The following IL20RA variants were observed in gnomAD, a reference collection of about 807,000 sequenced individuals.
IL20RA encodes interleukin 20 receptor subunit alpha, also known as interleukin-20 receptor subunit alpha.
Under a neutral mutation model 36.5 loss-of-function variants are expected in IL20RA, and 29 were observed. The ratio of observed to expected loss-of-function variants is 0.79; its 90% CI spans 0.59 to 1.08. The LOEUF is 1.08. Ranked by LOEUF, IL20RA falls within the 50% of genes least tolerant of loss-of-function variation. The pLI is 0.00. For synonymous variants in IL20RA, 279 were observed against 267.1 expected (o/e 1.04, Z -0.43); for missense variants, 652 against 668.4 (o/e 0.98, Z 0.27).
intron 1 of IL20RA, among the ~76,000 whole-genome samples, chr6:137,021,491 C>G (rs948009547): frequency 1.4e-5 from 2 of 140,848 alleles, no homozygotes; most frequent in Non-Finnish European, 3.1e-5. Context: ...ATGGTGAAAC[C>G]CTGTTTCTAG....
intron 1 of IL20RA, among the ~76,000 whole-genome samples, chr6:137,026,077 C>A (rs966800748): frequency 6.6e-6 from 1 of 152,214 alleles, no homozygotes; most frequent in East Asian, 1.9e-4. Context: ...TCTGGAGACT[C>A]CCCTTTGGGA....
In IL20RA at chr6:137,006,718, TTTTC is replaced by T. The variant is rs1434383732; in HGVS notation, c.724+1877_724+1880del. ...AATAGAGCCTTATTATTCCGTTAAT[TTTTC>T]TTTCTTTTTTTTTTTTTTGAGACAG... On this transcript the variant is annotated intron_variant, in intron 5 of 6. Coordinates refer to ENST00000316649, the MANE Select transcript of IL20RA (RefSeq NM_014432.4). Among the ~76,000 whole-genome samples the T allele has an allele frequency of 2.2e-4, 32 of 145,942 alleles. No homozygotes were observed. In the East Asian group the frequency reaches 2.8e-3, roughly 13 times the overall value.
At position 137,004,709 on chromosome 6, in the gene IL20RA, A is replaced by G. The variant is rs774931056; in HGVS notation, c.776T>C (p.Val259Ala). 38 of 1,609,588 alleles carry G rather than the reference A, an allele frequency of 2.4e-5. No individual in the cohort carries two copies. Among genetic ancestry groups the G allele is most frequent in the Non-Finnish European group, 3.2e-5 (38 of 1,178,412 alleles). Residue 259 changes from valine to alanine, a missense_variant, in exon 6 of 7, where the codon GTA becomes GCA. Val to Ala is a moderately conservative substitution (Grantham distance 64). Coordinates refer to ENST00000316649, the MANE Select transcript of IL20RA (RefSeq NM_014432.4). The stretch of plus-strand genomic sequence containing the variant: ...AGAAAAAAGAAACACGGTAATAGAT[A>G]CGGGCAAAACATACCAGAAGATGAT... Reference protein sequence around the residue: ...AKIIFWYVLPVSITVFLFSVM... With the variant: ...AKIIFWYVLPASITVFLFSVM...
rs368042457 is a variant in IL20RA, at chr6:137,034,625, T to C, written c.88+10016A>G. 3.3e-5 allele frequency among the ~76,000 whole-genome samples: 5 copies of C among 152,058 alleles called. No homozygotes were observed. The East Asian group carries it at 7.7e-4, about 24-fold the overall frequency. The stretch of plus-strand genomic sequence containing the variant: ...CCCTCCCTGTGTCCATGTGTTCTCA[T>C]TGTTCAGCTCCCACTTAAGAGTGAG... On this transcript the variant is annotated intron_variant, in intron 1 of 6. Coordinates refer to ENST00000316649, the MANE Select transcript of IL20RA (RefSeq NM_014432.4).
rs551441345 is a variant in IL20RA, at chr6:137,027,028, G to A, written c.89-9925C>T. ...TCCTGAGTAGCTGGGGATTACATGCGCCCGCCACCACGCCCAGCTAATTTT... is the reference window on the plus strand; with the variant it reads ...TCCTGAGTAGCTGGGGATTACATGCACCCGCCACCACGCCCAGCTAATTTT... On this transcript the variant is annotated intron_variant, in intron 1 of 6. Coordinates refer to ENST00000316649, the MANE Select transcript of IL20RA (RefSeq NM_014432.4). 2.9e-4 allele frequency among the ~76,000 whole-genome samples: 44 copies of A among 151,944 alleles called. No individual in the cohort carries two copies. The South Asian group carries it at 4.4e-3, about 15-fold the overall frequency.
At chr6:137,002,499 T>C in intron 6 of IL20RA, 144 bp from the exon 7 acceptor site, 1 of 627,378 alleles carries the variant, frequency 1.6e-6, no homozygotes, top group Non-Finnish European at 2.7e-6. Context: ...GCTTGCAATA[T>C]ACAGAAAACC....
rs1775529828 is a variant in IL20RA at position 137,012,343 on chromosome 6, AG to A, written c.225-892del. ...AACATGTAACAGATTAGGGAAATGA[AG>A]GTGTTAAGGATGCTGTCTCTTTCTG... On this transcript the variant is annotated intron_variant, in intron 2 of 6. Transcript: ENST00000316649. Among the ~76,000 whole-genome samples, 5 of 152,318 alleles carry A rather than the reference AG, an allele frequency of 3.3e-5. No individual in the cohort carries two copies. The South Asian group carries it at 8.3e-4, about 25-fold the overall frequency.
chr6:137,026,454 C>A (rs1776092032), intron 1 of IL20RA, among the ~76,000 whole-genome samples: 1 of 152,220 alleles, frequency 6.6e-6, no homozygotes, highest in Non-Finnish European at 1.5e-5. Context: ...TCTGCACAGT[C>A]AGAAGATACT....
At position 137,044,765 on chromosome 6, in the gene IL20RA, G is replaced by C; in HGVS notation, c.-37C>G. On this transcript the variant is annotated 5_prime_UTR_variant, in exon 1 of 7. Transcript: ENST00000316649. Reference sequence around the variant, plus strand: ...CTGGGTCACATGTCGGGGGGCAGCAGACTGCTCAGTCCCACGCCCGCTGGG... The same window carrying C: ...CTGGGTCACATGTCGGGGGGCAGCACACTGCTCAGTCCCACGCCCGCTGGG... The C allele has an allele frequency of 3.3e-6, 4 of 1,210,436 alleles. No individual in the cohort carries two copies. Among genetic ancestry groups the C allele is most frequent in the Non-Finnish European group, 4.1e-6 (4 of 974,316 alleles). 75.0% of individuals were successfully genotyped at this position (1,210,436 alleles called of 1,614,324 possible).
intron 1 of IL20RA, among the ~76,000 whole-genome samples, chr6:137,036,398 A>G (rs142339285): frequency 5.9e-5 from 9 of 152,320 alleles, no homozygotes; most frequent in Non-Finnish European, 1.3e-4. Context: ...TCTCATTCAG[A>G]AATAAGGTCT....
intron 1 of IL20RA, among the ~76,000 whole-genome samples, chr6:137,024,076 A>G (rs1776004227): frequency 6.6e-6 from 1 of 152,256 alleles, no homozygotes; most frequent in South Asian, 2.1e-4. Context: ...CCTGGGTGGC[A>G]GAGTGAGACT....
rs531501235 is a variant in IL20RA at position 137,004,159 on chromosome 6, C to CGTTTTTTTTTTTTTTT, written c.864+461_864+462insAAAAAAAAAAAAAAAC. On this transcript the variant is annotated intron_variant, in intron 6 of 6. Coordinates refer to ENST00000316649, the MANE Select transcript of IL20RA (RefSeq NM_014432.4). ...TCTGTTAGTCAGCTAATCCAGAAAG[C>CGTTTTTTTTTTTTTTT]TTTTTTTTTTTTTTTTTTTTTTTTT... 3.1e-4 allele frequency among the ~76,000 whole-genome samples: 27 copies of CGTTTTTTTTTTTTTTT among 88,004 alleles called. 11 individuals are homozygous for CGTTTTTTTTTTTTTTT. The highest frequency in any genetic ancestry group is 2.2e-4 in the Non-Finnish European group (11 of 49,106). The allele number at this position is 88,004 out of a possible 152,430, so 57.7% of individuals were successfully genotyped here.
intron 1 of IL20RA, among the ~76,000 whole-genome samples, chr6:137,038,551 TA>T (rs1483625472): frequency 1.3e-5 from 2 of 152,180 alleles, no homozygotes; most frequent in Admixed American, 6.5e-5. Context: ...TAAAGTGATT[TA>T]ATTCATGTTT....
chr6:137,024,063 C>T (rs942617293), intron 1 of IL20RA, among the ~76,000 whole-genome samples: 4 of 152,214 alleles, frequency 2.6e-5, no homozygotes, highest in Non-Finnish European at 5.9e-5. Flanking sequence ...CACTGCATTC[C>T]AGCCTGGGTG....
rs570201199 is a variant in IL20RA, at chr6:137,044,514, C to T, written c.88+127G>A. 889 of 1,021,916 alleles carry T rather than the reference C, an allele frequency of 8.7e-4. 8 individuals are homozygous for T. In the African/African-American group the frequency reaches 0.013, roughly 14 times the overall value. 63.3% of individuals were successfully genotyped at this position (1,021,916 alleles called of 1,614,324 possible). ...AAGCTCCGGCCTCCGCGCACCTCGTCCTCTGCCCGCCCGAAAGCGAAACCT... is the reference window on the plus strand; with the variant it reads ...AAGCTCCGGCCTCCGCGCACCTCGTTCTCTGCCCGCCCGAAAGCGAAACCT... On this transcript the variant is annotated intron_variant, in intron 1 of 6. Coordinates refer to ENST00000316649, the MANE Select transcript of IL20RA (RefSeq NM_014432.4).
At position 137,004,648 on chromosome 6, in the gene IL20RA, A is replaced by G; in HGVS notation, c.837T>C (p.Val279=). The change falls in exon 6 of 7, where the codon GTT becomes GTC. Residue 279 remains valine, a synonymous_variant. Transcript: ENST00000316649. ...AATTTGCTGGGTGTTTCTCTTTGCC[A>G]ACGTGGATATATCGGTAGATGGAAT... ...MGYSIYRYIH[V]GKEKHPANLI... is the part of the protein sequence containing the mutation. The G allele has an allele frequency of 6.2e-7, 1 of 1,613,976 alleles. No individual in the cohort carries two copies. The highest frequency in any genetic ancestry group is 1.7e-5 in the Admixed American group (1 of 59,992).
intron 5 of IL20RA, among the ~76,000 whole-genome samples, chr6:137,007,885 G>A (rs988572030): frequency 2.0e-5 from 3 of 152,206 alleles, no homozygotes; most frequent in Non-Finnish European, 1.5e-5. Context: ...CTTTACAGTG[G>A]TTTTAGAATA....
In IL20RA at chr6:137,002,331, C is replaced by G; in HGVS notation, c.889G>C (p.Asp297His). The change falls in exon 7 of 7, where the codon GAC becomes CAC. Residue 297 changes from aspartate to histidine, a missense_variant. By Grantham distance (81) the Asp-to-His change is moderately conservative. Transcript: ENST00000316649. ...TCAGCAGGCACAAAGAATCTTTTGT[C>G]AAATTCATTTCCATAAATCAAAATC... ...NLILIYGNEF[D>H]KRFFVPAEKI... 6.3e-7 allele frequency: 1 copy of G among 1,597,986 alleles called. No homozygotes were observed.
At chr6:137,009,221 A>C in intron 4 of IL20RA, 96 bp downstream of exon 4, 1 of 1,031,756 alleles carries the variant, frequency 9.7e-7, no homozygotes, top group Non-Finnish European at 1.5e-6. Context: ...GACTTCCCAG[A>C]TTCACATGCA....
Sources: gnomAD v4.1 joint callset for allele counts (sites outside exome capture counted in the v4.1 genomes callset) on GRCh38, gnomAD v4.1.1 for gene constraint, MANE v1.5 for transcripts, NCBI Gene and HGNC (gene_info 2026-07-23, HGNC 2026-07-21) for gene names.